ZCCHC4: variants seen among roughly 807,000 people sequenced by gnomAD.
The protein encoded by ZCCHC4 is rRNA N(6)-adenosine-methyltransferase ZCCHC4.
In ZCCHC4, 54 loss-of-function variants were observed where a neutral mutation model predicts 67.7. The observed-to-expected ratio is 0.80, with a 90% CI of 0.64 to 1.00. The LOEUF is 1.00. Ranked by LOEUF, ZCCHC4 falls within the 50% of genes least tolerant of loss-of-function variation. The pLI, the probability that ZCCHC4 is intolerant of heterozygous loss-of-function variation, is 0.00. For missense variants in ZCCHC4, 609 were observed against 617.0 expected, an observed-to-expected ratio of 0.99 and a Z score of 0.14; for synonymous variants, 198 against 213.5, an observed-to-expected ratio of 0.93 and a Z score of 0.63.
In ZCCHC4 at chr4:25,359,690, TG is replaced by T. The variant is rs1720647738; in HGVS notation, c.1012-2168del. Among the ~76,000 whole-genome samples, 2 of 152,190 alleles carry T rather than the reference TG, an allele frequency of 1.3e-5. No individual in the cohort carries two copies. Among genetic ancestry groups the T allele is most frequent in the Non-Finnish European group, 2.9e-5 (2 of 68,026 alleles). On this transcript the variant is annotated intron_variant, in intron 8 of 12. Transcript: ENST00000302874. This position sits in a 1 kb window ranked among gnomAD's most constrained non-coding sequence, Gnocchi z 4.9. ...AGGAGAGAATTGATAAGCAGCCCAG[TG>T]AACTTTGTGGAGACAGTTGTTTCCA...
At chr4:25,350,469 A>G (rs1052632622) in intron 7 of ZCCHC4, among the ~76,000 whole-genome samples, 52 of 151,872 alleles carry the variant, frequency 3.4e-4, no homozygotes, top group Non-Finnish European at 4.9e-4. Context: ...GGGTTTTGCC[A>G]TGTTGGCCAG....
Position 25,312,820 on chromosome 4 carries a change from C to A in ZCCHC4, c.11C>A (p.Ser4Tyr). The change falls in exon 1 of 13, where the codon TCC becomes TAC. Residue 4 changes from serine to tyrosine, a missense_variant. Coordinates refer to ENST00000302874, the MANE Select transcript of ZCCHC4 (RefSeq NM_024936.3). ...GACGGCGGCGGGAAGATGGCGGCCT[C>A]CAGGAATGGGTTTGAAGCCGTGGAG... MAASRNGFEAVEAE... is the reference protein window; with the variant it reads MAAYRNGFEAVEAE... 1 of 1,613,272 alleles carries A rather than the reference C, an allele frequency of 6.2e-7. No individual in the cohort carries two copies. Among genetic ancestry groups the A allele is most frequent in the Non-Finnish European group, 8.5e-7 (1 of 1,180,008 alleles).
At chr4:25,322,086 G>A (rs930377830) in intron 3 of ZCCHC4, among the ~76,000 whole-genome samples, 10 of 152,150 alleles carry the variant, frequency 6.6e-5, no homozygotes, top group African/African-American at 2.4e-4. Context: ...GCTAAAATGT[G>A]AAAAAATATA....
At chr4:25,367,505 G>A (rs1388442103) in intron 12 of ZCCHC4, among the ~76,000 whole-genome samples, 2 of 152,074 alleles carry the variant, frequency 1.3e-5, no homozygotes, top group African/African-American at 4.8e-5. Flanking sequence ...GGCACACATG[G>A]CTTCATTGAC....
chr4:25,327,255 C>T (rs1014927095), intron 3 of ZCCHC4, among the ~76,000 whole-genome samples: 1 of 152,182 alleles, frequency 6.6e-6, no homozygotes, highest in African/African-American at 2.4e-5. Context: ...GACATCTTTG[C>T]TTTGTCCCAG....
intron 8 of ZCCHC4, among the ~76,000 whole-genome samples, chr4:25,352,943 C>G (rs949531970): frequency 6.6e-6 from 1 of 152,168 alleles, no homozygotes; most frequent in Non-Finnish European, 1.5e-5. Flanking sequence ...TGTGATTCCA[C>G]CCAAACAGCA....
At chr4:25,332,715 T>G (rs1485548383) in intron 3 of ZCCHC4, among the ~76,000 whole-genome samples, 2 of 152,210 alleles carry the variant, frequency 1.3e-5, no homozygotes, top group Non-Finnish European at 2.9e-5. Flanking sequence ...TTGAGAAACA[T>G]CTTTTCTTTT....
At chr4:25,346,169 C>T (rs550832500) in intron 6 of ZCCHC4, among the ~76,000 whole-genome samples, 1 of 151,826 alleles carries the variant, frequency 6.6e-6, no homozygotes, top group South Asian at 2.1e-4. Context: ...TGGGAGTGTA[C>T]GGAAAATCTC....
Position 25,346,727 on chromosome 4 carries a change from G to A in ZCCHC4, c.759+1107G>A, listed in dbSNP as rs572256820. On this transcript the variant is annotated intron_variant, in intron 6 of 12. Coordinates refer to ENST00000302874, the MANE Select transcript of ZCCHC4 (RefSeq NM_024936.3). Reference sequence around the variant, plus strand: ...TTAAAACAAGGTATTGAAATAAACAGCAGTTATAATTAGATGTATTTCAGC... The same window carrying A: ...TTAAAACAAGGTATTGAAATAAACAACAGTTATAATTAGATGTATTTCAGC... Among the ~76,000 whole-genome samples, 105 of 152,282 alleles carry A rather than the reference G, an allele frequency of 6.9e-4. No homozygotes were observed. The Middle Eastern group carries it at 0.014, about 20-fold the overall frequency.
chr4:25,329,186 C>CA (rs1324669202), intron 3 of ZCCHC4, among the ~76,000 whole-genome samples: 1 of 151,854 alleles, frequency 6.6e-6, no homozygotes, highest in Non-Finnish European at 1.5e-5. Context: ...GACTCTGTCT[C>CA]AAAAAAATGA....
At chr4:25,365,950 T>G in intron 12 of ZCCHC4, 1 of 983,502 alleles carries the variant, frequency 1.0e-6, no homozygotes, top group Non-Finnish European at 1.2e-6. Flanking sequence ...TGTTACACAG[T>G]TATTAATTGG....
intron 11 of ZCCHC4, 73 bp from the exon 12 acceptor site, chr4:25,364,949 C>G: frequency 1.9e-6 from 3 of 1,589,776 alleles, no homozygotes; most frequent in South Asian, 1.1e-5. Flanking sequence ...TTCGTATATC[C>G]TACCTTAAAA....
chr4:25,362,091 A>T, intron 9 of ZCCHC4, 111 bp downstream of exon 9: 1 of 1,465,356 alleles, frequency 6.8e-7, no homozygotes. Flanking sequence ...TGTTACTTTT[A>T]AATTAGGTCC....
chr4:25,324,713 A>G (rs193158590), intron 3 of ZCCHC4, among the ~76,000 whole-genome samples: 1 of 152,282 alleles, frequency 6.6e-6, no homozygotes, highest in East Asian at 1.9e-4. Context: ...CTCCTACAAC[A>G]CTTGTTATTA....
chr4:25,344,619 A>G (rs930046949), intron 5 of ZCCHC4, among the ~76,000 whole-genome samples: 7 of 151,774 alleles, frequency 4.6e-5, no homozygotes, highest in African/African-American at 1.7e-4. Context: ...TAATAATAAT[A>G]AAATAAAATA....
chr4:25,324,374 A>G (rs977988532), intron 3 of ZCCHC4, among the ~76,000 whole-genome samples: 1 of 152,040 alleles, frequency 6.6e-6, no homozygotes, highest in Non-Finnish European at 1.5e-5. Flanking sequence ...TATTTTTGAT[A>G]TTTATCCATG....
chr4:25,316,461 C>T (rs961720772), intron 3 of ZCCHC4, among the ~76,000 whole-genome samples: 12 of 152,312 alleles, frequency 7.9e-5, no homozygotes, highest in African/African-American at 2.6e-4. Flanking sequence ...CCAATTTCTC[C>T]GCATCCTTGC....
intron 8 of ZCCHC4, among the ~76,000 whole-genome samples, chr4:25,356,002 C>T (rs945796222): frequency 2.0e-5 from 3 of 152,144 alleles, no homozygotes; most frequent in African/African-American, 4.8e-5. Context: ...TGGCCTGATA[C>T]CTGGAACATA....
At chr4:25,349,768 A>G in intron 7 of ZCCHC4, 126 bp downstream of exon 7, 2 of 992,326 alleles carry the variant, frequency 2.0e-6, no homozygotes, top group Non-Finnish European at 2.9e-6. Context: ...TTTTAAAAAC[A>G]GGCTTATTTG....
Sources: allele counts gnomAD v4.1 joint callset (sites outside exome capture counted in the v4.1 genomes callset), GRCh38; gene constraint gnomAD v4.1.1; non-coding constraint Gnocchi (gnomAD v3.1); transcripts MANE v1.5; gene names NCBI Gene and HGNC (gene_info 2026-07-23, HGNC 2026-07-21).